Variants in PI4KA observed in about 807,000 individuals in gnomAD.
PI4KA encodes the protein phosphatidylinositol 4-kinase alpha.
PI4KA carries 122 observed loss-of-function variants against 271.4 expected under a neutral mutation model. That is an observed-to-expected ratio of 0.45 (90% confidence interval 0.39 to 0.52). The LOEUF (loss-of-function observed/expected upper bound fraction) is 0.52, where lower values mean the gene tolerates loss of function less well. PI4KA is among the 20% of genes least tolerant of loss of function. PI4KA has a pLI of 0.00. For synonymous variants in PI4KA, 1,041 were observed against 1,078.8 expected (o/e 0.96, Z 0.69); for missense variants, 1,969 against 2,769.1 (o/e 0.71, Z 6.48).
At chr22:20,780,879 A>C (rs1933748302) in intron 19 of PI4KA, among the ~76,000 whole-genome samples, 1 of 152,154 alleles carries the variant, frequency 6.6e-6, no homozygotes. Flanking sequence ...CAATCTGTTA[A>C]ATTGGAAGAA....
At chr22:20,720,186 AAG>A (rs1926564611) in intron 43 of PI4KA, among the ~76,000 whole-genome samples, 1 of 152,188 alleles carries the variant, frequency 6.6e-6, no homozygotes. Flanking sequence ...GATGTTATAA[AAG>A]CTTTTGTGGG....
intron 18 of PI4KA, 139 bp downstream of exon 18, chr22:20,796,007 T>G: frequency 1.3e-6 from 1 of 787,732 alleles, no homozygotes; most frequent in East Asian, 2.7e-5. Context: ...ACCCCACCCC[T>G]TCTTACTTGC....
At chr22:20,723,796 A>G (rs1048239456) in intron 42 of PI4KA, among the ~76,000 whole-genome samples, 1 of 151,720 alleles carries the variant, frequency 6.6e-6, no homozygotes, top group African/African-American at 2.4e-5. Context: ...GTGCCACTGC[A>G]CTCCAGCCTG....
At chr22:20,825,199 T>C (rs1197869332) in intron 3 of PI4KA, among the ~76,000 whole-genome samples, 1 of 152,166 alleles carries the variant, frequency 6.6e-6, no homozygotes, top group East Asian at 1.9e-4. Flanking sequence ...ACTTAAAATT[T>C]TAAAGTGCAG....
chr22:20,786,928 T>G, intron 19 of PI4KA: 2 of 1,614,172 alleles, frequency 1.2e-6, no homozygotes, highest in East Asian at 2.2e-5. Context: ...AAGCCACCAC[T>G]GTGACCACGG....
chr22:20,769,299 T>A (rs1473946823), intron 19 of PI4KA, among the ~76,000 whole-genome samples: 2 of 152,180 alleles, frequency 1.3e-5, no homozygotes, highest in Admixed American at 1.3e-4. Context: ...GCTCTCTGAC[T>A]TCTCCGAGCC....
In PI4KA at chr22:20,858,771, C is replaced by A; in HGVS notation, c.-46G>T. 1 of 1,368,882 alleles carries A rather than the reference C, an allele frequency of 7.3e-7. No homozygotes were observed. Among genetic ancestry groups the A allele is most frequent in the South Asian group, 1.5e-5 (1 of 64,582 alleles). The allele number at this position is 1,368,882 out of a possible 1,614,324, so 84.8% of individuals were successfully genotyped here. Reference sequence around the variant, plus strand: ...TGCCCGCCGGCTCCCCGCTCCTGGCCCGCGAGCGCCCGACCTCAGGGCGCA... The same window carrying A: ...TGCCCGCCGGCTCCCCGCTCCTGGCACGCGAGCGCCCGACCTCAGGGCGCA... On this transcript the variant is annotated 5_prime_UTR_variant, in exon 1 of 55. Coordinates refer to ENST00000255882, the MANE Select transcript of PI4KA (RefSeq NM_058004.4).
chr22:20,774,426 G>T (rs1264207451), intron 19 of PI4KA, among the ~76,000 whole-genome samples: 1 of 152,204 alleles, frequency 6.6e-6, no homozygotes, highest in Non-Finnish European at 1.5e-5. Context: ...TTATGTATGA[G>T]AATATCCTTG....
chr22:20,850,969 A>G (rs165857), intron 1 of PI4KA, among the ~76,000 whole-genome samples: 51,125 of 151,928 alleles, frequency 0.34, 9,562 homozygotes, highest in African/African-American at 0.49. Context: ...CCCTCAAACC[A>G]AGGAATTCAA....
At chr22:20,744,917 T>TA (rs968345220) in intron 29 of PI4KA, among the ~76,000 whole-genome samples, 197 bp from the exon 30 acceptor site, 29 of 148,390 alleles carry the variant, frequency 2.0e-4, no homozygotes, top group East Asian at 7.8e-4. Context: ...CATAAGAAAT[T>TA]AAAAAAAAAA....
intron 19 of PI4KA, chr22:20,784,244 A>T (rs1169192794): frequency 6.2e-7 from 1 of 1,614,116 alleles, no homozygotes; most frequent in Non-Finnish European, 8.5e-7. Context: ...CATGACAAAC[A>T]GGTATTTCAC....
At chr22:20,755,493 A>G (rs1000949030) in intron 23 of PI4KA, among the ~76,000 whole-genome samples, 2 of 152,206 alleles carry the variant, frequency 1.3e-5, no homozygotes, top group African/African-American at 2.4e-5. Context: ...AGAGGTGCCA[A>G]GTAGGCTGTA....
At chr22:20,751,573 T>C in intron 26 of PI4KA, 101 bp downstream of exon 26, 1 of 1,103,566 alleles carries the variant, frequency 9.1e-7, no homozygotes, top group South Asian at 1.3e-5. Context: ...ATGTTCAGGC[T>C]TATTGTCAGA....
rs191706763 is a variant in PI4KA at position 20,849,026 on chromosome 22, A to C, written c.156+9544T>G. On this transcript the variant is annotated intron_variant, in intron 1 of 54. Coordinates refer to ENST00000255882, the MANE Select transcript of PI4KA (RefSeq NM_058004.4). ...TTAAAATTGGGCAAAGAATCTGAATAGATATATCTCCAAAGAAGATCTACA... is the reference window on the plus strand; with the variant it reads ...TTAAAATTGGGCAAAGAATCTGAATCGATATATCTCCAAAGAAGATCTACA... 3.4e-3 allele frequency among the ~76,000 whole-genome samples: 516 copies of C among 152,118 alleles called. 2 individuals carry two copies. The highest frequency in any genetic ancestry group is 0.014 in the Middle Eastern group (4 of 292).
At chr22:20,712,995 GC>G (rs1925508703) in intron 48 of PI4KA, 198 bp from the exon 49 acceptor site, 1 of 623,806 alleles carries the variant, frequency 1.6e-6, no homozygotes, top group African/African-American at 1.9e-5. Context: ...CAGGCCCTGG[GC>G]TGAGCATGAG....
At chr22:20,810,889 C>T (rs189236959) in intron 9 of PI4KA, 78 bp downstream of exon 9, 132 of 1,086,786 alleles carry the variant, frequency 1.2e-4, no homozygotes, top group East Asian at 1.2e-3. Flanking sequence ...CTCCAGCCCC[C>T]GCTCAAACTC....
intron 1 of PI4KA, among the ~76,000 whole-genome samples, chr22:20,841,384 C>G (rs539884719): frequency 2.2e-4 from 34 of 152,274 alleles, no homozygotes; most frequent in Admixed American, 1.1e-3. Flanking sequence ...CTCTGGACTG[C>G]CAGGGCCTCC....
chr22:20,825,069 C>CAAAAAAAA (rs362248), intron 3 of PI4KA, among the ~76,000 whole-genome samples: 4,035 of 73,798 alleles, frequency 0.055, 472 homozygotes, highest in African/African-American at 0.11. Flanking sequence ...GACGCCATCT[C>CAAAAAAAA]AAAAAAAAAA....
chr22:20,737,648 T>TTG (rs397743025), intron 32 of PI4KA, among the ~76,000 whole-genome samples: 19 of 151,148 alleles, frequency 1.3e-4, no homozygotes, highest in African/African-American at 3.6e-4. Flanking sequence ...TTTTTTTTTT[T>TTG]GAGACGGAGT....
Sources: allele counts gnomAD v4.1 joint callset (sites outside exome capture counted in the v4.1 genomes callset), GRCh38; gene constraint gnomAD v4.1.1; transcripts MANE v1.5; gene names NCBI Gene and HGNC (gene_info 2026-07-23, HGNC 2026-07-21).